Variants in CACNA2D1 observed in about 807,000 individuals in gnomAD.
CACNA2D1 encodes voltage-dependent calcium channel subunit alpha-2/delta-1.
In CACNA2D1, 53 loss-of-function variants were observed where a neutral mutation model predicts 171.5. The observed-to-expected ratio is 0.31, with a 90% confidence interval of 0.25 to 0.39. The LOEUF (loss-of-function observed/expected upper bound fraction) is 0.39. Ranked by LOEUF, CACNA2D1 falls within the 10% of genes least tolerant of loss-of-function variation. CACNA2D1 has a pLI of 1.00. For synonymous variants in CACNA2D1, 442 were observed against 443.1 expected (o/e 1.00, Z 0.03); for missense variants, 903 against 1,299.8 (o/e 0.69, Z 4.69).
At chr7:82,370,180 T>C (rs1004765425) in intron 1 of CACNA2D1, among the ~76,000 whole-genome samples, 6 of 152,040 alleles carry the variant, frequency 3.9e-5, no homozygotes, top group African/African-American at 9.7e-5. Flanking sequence ...ACAGAACTCA[T>C]AGTTAATGTA....
chr7:82,347,821 CT>C (rs1291805865), intron 2 of CACNA2D1, among the ~76,000 whole-genome samples: 3 of 148,798 alleles, frequency 2.0e-5, no homozygotes, highest in African/African-American at 7.8e-5. Flanking sequence ...CTTTTCCATT[CT>C]ATTTTGTTAT....
At chr7:82,028,537 A>T (rs1802240274) in intron 12 of CACNA2D1, 2 of 151,864 alleles carry the variant, frequency 1.3e-5, no homozygotes, top group South Asian at 4.1e-4. Flanking sequence ...ATAAATTGTG[A>T]TTCCTCTTAC....
At chr7:82,154,608 TA>T (rs1196454372) in intron 4 of CACNA2D1, among the ~76,000 whole-genome samples, 43 of 152,190 alleles carry the variant, frequency 2.8e-4, no homozygotes, top group African/African-American at 1.0e-3. Flanking sequence ...TAAAAAAAGA[TA>T]TGGTATGCAC....
intron 5 of CACNA2D1, among the ~76,000 whole-genome samples, chr7:82,134,912 G>A (rs994363976): frequency 9.2e-5 from 14 of 152,078 alleles, no homozygotes; most frequent in African/African-American, 3.4e-4. Context: ...AGCATTGATT[G>A]AAACTGGAGT....
At position 82,053,991 on chromosome 7, in the gene CACNA2D1, A is replaced by G. The variant is rs562126169; in HGVS notation, c.879+6437T>C. ...AACCTGGTTCACAGAAACCACAAGA[A>G]GATATCCTGCAGTTGTGTTTCTTAA... On this transcript the variant is annotated intron_variant, in intron 10 of 38. Transcript: ENST00000356860. Among the ~76,000 whole-genome samples the G allele has an allele frequency of 7.2e-4, 109 of 152,352 alleles. No homozygotes were observed. In the Middle Eastern group the frequency reaches 0.017, roughly 24 times the overall value.
intron 3 of CACNA2D1, among the ~76,000 whole-genome samples, chr7:82,327,176 A>C (rs1816758289): frequency 6.6e-6 from 1 of 152,228 alleles, no homozygotes; most frequent in South Asian, 2.1e-4. Context: ...AAGTCTTAAC[A>C]TAGACATCAA....
At chr7:81,993,087 A>G (rs1409913081) in intron 20 of CACNA2D1, among the ~76,000 whole-genome samples, 6 of 152,208 alleles carry the variant, frequency 3.9e-5, no homozygotes, top group Non-Finnish European at 8.8e-5. Context: ...AAGGGTTAGC[A>G]TATGTGCATT....
At chr7:81,986,646 C>T (rs745963877) in intron 21 of CACNA2D1, among the ~76,000 whole-genome samples, 2 of 152,074 alleles carry the variant, frequency 1.3e-5, no homozygotes, top group Non-Finnish European at 2.9e-5. Context: ...TTGTTACCTC[C>T]AATTCCCAAA....
chr7:82,406,600 T>C (rs1827075647), intron 1 of CACNA2D1, among the ~76,000 whole-genome samples: 1 of 152,218 alleles, frequency 6.6e-6, no homozygotes, highest in Non-Finnish European at 1.5e-5. Flanking sequence ...TGGTGTGAGA[T>C]GGTATCTCAT....
At chr7:82,393,881 C>A (rs1825482190) in intron 1 of CACNA2D1, among the ~76,000 whole-genome samples, 1 of 152,070 alleles carries the variant, frequency 6.6e-6, no homozygotes, top group South Asian at 2.1e-4. Flanking sequence ...TAAACAGACA[C>A]CTCATAGACT....
At chr7:82,398,723 G>A (rs1015811724) in intron 1 of CACNA2D1, among the ~76,000 whole-genome samples, 3 of 151,634 alleles carry the variant, frequency 2.0e-5, no homozygotes, top group African/African-American at 4.8e-5. Flanking sequence ...GACTACAGGC[G>A]TGCACCACCA....
At chr7:82,005,954 T>C in intron 16 of CACNA2D1, 115 bp from the exon 17 acceptor site, 1 of 736,090 alleles carries the variant, frequency 1.4e-6, no homozygotes, top group Non-Finnish European at 2.5e-6. Flanking sequence ...TTAGTTTAAA[T>C]GTATATATAG....
chr7:82,101,910 G>A (rs1479369940), intron 6 of CACNA2D1, among the ~76,000 whole-genome samples: 3 of 152,204 alleles, frequency 2.0e-5, no homozygotes, highest in African/African-American at 7.2e-5. Context: ...ATCACATACT[G>A]TGGGTCACAG....
intron 6 of CACNA2D1, among the ~76,000 whole-genome samples, chr7:82,097,403 T>C (rs1300146741): frequency 1.3e-5 from 2 of 152,112 alleles, no homozygotes; most frequent in Non-Finnish European, 2.9e-5. Flanking sequence ...TGAGGAGTAA[T>C]ACCATTCTGA....
chr7:82,364,135 A>T (rs967939760), intron 1 of CACNA2D1, among the ~76,000 whole-genome samples: 2 of 152,144 alleles, frequency 1.3e-5, no homozygotes, highest in African/African-American at 4.8e-5. Context: ...AGACACAAGA[A>T]TCACTTGAAC....
intron 3 of CACNA2D1, among the ~76,000 whole-genome samples, chr7:82,217,997 C>T (rs1169587609): frequency 7.3e-5 from 11 of 151,544 alleles, no homozygotes; most frequent in Admixed American, 5.9e-4. Context: ...TGCAGTGGTG[C>T]GATCTCTGCT....
chr7:82,290,644 T>G (rs1303192783), intron 3 of CACNA2D1, among the ~76,000 whole-genome samples: 1 of 150,900 alleles, frequency 6.6e-6, no homozygotes, highest in Non-Finnish European at 1.5e-5. Flanking sequence ...TTGCCCCAGC[T>G]GGGGTGCAAT....
intron 4 of CACNA2D1, among the ~76,000 whole-genome samples, chr7:82,154,384 A>G (rs1379856425): frequency 2.0e-5 from 3 of 152,112 alleles, no homozygotes; most frequent in Non-Finnish European, 2.9e-5. Context: ...TTCCATTAGT[A>G]GAAAGGTATG....
chr7:82,245,278 A>C (rs1002556962), intron 3 of CACNA2D1, among the ~76,000 whole-genome samples: 10 of 152,160 alleles, frequency 6.6e-5, no homozygotes, highest in Non-Finnish European at 1.2e-4. Flanking sequence ...CACTGTCATC[A>C]CAGGTGAGGC....
Sources: allele counts gnomAD v4.1 joint callset (sites outside exome capture counted in the v4.1 genomes callset), GRCh38; gene constraint gnomAD v4.1.1; transcripts MANE v1.5; gene names NCBI Gene and HGNC (gene_info 2026-07-23, HGNC 2026-07-21).